TFPI: variants seen among roughly 807,000 people sequenced by gnomAD.
TFPI encodes the protein tissue factor pathway inhibitor, also known as anti-convertin.
A neutral mutation model predicts 34.6 loss-of-function variants in TFPI; 15 were observed. The ratio of observed to expected loss-of-function variants is 0.43; its 90% CI spans 0.29 to 0.67. The LOEUF (loss-of-function observed/expected upper bound fraction) is 0.67, where lower values mean the gene tolerates loss of function less well. Among genes scored for constraint, TFPI ranks in the 30% least tolerant of loss-of-function variants. The probability of loss-of-function intolerance (pLI) is 0.15; values close to 1 mark genes in which losing one functional copy is unlikely to be tolerated. For synonymous variants in TFPI, 105 were observed against 120.1 expected (o/e 0.87, Z 0.82); for missense variants, 301 against 364.0 (o/e 0.83, Z 1.41).
intron 3 of TFPI, among the ~76,000 whole-genome samples, chr2:187,494,613 C>A (rs964474213): frequency 1.3e-5 from 2 of 152,196 alleles, no homozygotes; most frequent in African/African-American, 4.8e-5. Flanking sequence ...CGATTAAATT[C>A]TCTCCTTAGG....
intron 6 of TFPI, among the ~76,000 whole-genome samples, chr2:187,475,302 AT>A (rs1692304321): frequency 6.6e-6 from 1 of 152,182 alleles, no homozygotes; most frequent in South Asian, 2.1e-4. Flanking sequence ...AAGACAAAAA[AT>A]ATGTATAATT....
At chr2:187,469,768 G>C (rs1368512617) in intron 6 of TFPI, among the ~76,000 whole-genome samples, 1 of 152,096 alleles carries the variant, frequency 6.6e-6, no homozygotes, top group African/African-American at 2.4e-5. Flanking sequence ...AATCAAAGTT[G>C]AATGGTGAGA....
At position 187,541,970 on chromosome 2, in the gene TFPI, A is replaced by G. The variant is rs544746512; in HGVS notation, c.-3+12230T>C. 3.5e-4 allele frequency among the ~76,000 whole-genome samples: 53 copies of G among 152,328 alleles called. No homozygotes were observed. The South Asian group carries it at 8.7e-3, about 25-fold the overall frequency. ...AAACACATGCATGGGATTTAATGAC[A>G]ATGGCATCACAAGTAACCTTCTAAA... On this transcript the variant is annotated intron_variant, in intron 1 of 7. Transcript: ENST00000233156.
intron 6 of TFPI, among the ~76,000 whole-genome samples, chr2:187,482,195 C>A (rs1692915143): frequency 6.6e-6 from 1 of 151,994 alleles, no homozygotes; most frequent in Non-Finnish European, 1.5e-5. Flanking sequence ...TAAAATAATT[C>A]AAACAAAAGT....
intron 1 of TFPI, chr2:187,519,652 C>G (rs575540046): frequency 2.8e-4 from 42 of 151,736 alleles, no homozygotes; most frequent in African/African-American, 9.5e-4. Context: ...GGCAGTCTGT[C>G]TCTTACCAGA....
Position 187,497,162 on chromosome 2 carries a change from G to A in TFPI, c.122-84C>T, listed in dbSNP as rs1472635246. On this transcript the variant is annotated intron_variant, in intron 2 of 7. Transcript: ENST00000233156. ...CTTTATTTCCTTTTTAATATGTCCT[G>A]ATTTTAAGGAAAAGTACAATAAAAC... The A allele has an allele frequency of 4.1e-6, 5 of 1,223,312 alleles. No individual in the cohort carries two copies. In the African/African-American group the frequency reaches 7.7e-5, roughly 19 times the overall value. 75.8% of individuals were successfully genotyped at this position (1,223,312 alleles called of 1,614,324 possible).
At chr2:187,550,701 G>C (rs1192659104) in intron 1 of TFPI, among the ~76,000 whole-genome samples, 1 of 152,072 alleles carries the variant, frequency 6.6e-6, no homozygotes, top group Non-Finnish European at 1.5e-5. Context: ...CAAAAAACTA[G>C]AGAAAAGTTG....
intron 1 of TFPI, among the ~76,000 whole-genome samples, chr2:187,512,623 A>G (rs1201171435): frequency 6.6e-6 from 1 of 152,172 alleles, no homozygotes; most frequent in Non-Finnish European, 1.5e-5. Context: ...CAAGGTTTTC[A>G]GCAAAAGTAA....
rs143678179 is a variant in TFPI at position 187,542,988 on chromosome 2, T to A, written c.-3+11212A>T. ...ATACAGGAATTTAATATTTGAATGA[T>A]TATATTTGGATTTTGTTAACTGGAC... On this transcript the variant is annotated intron_variant, in intron 1 of 7. Coordinates refer to ENST00000233156, the MANE Select transcript of TFPI (RefSeq NM_006287.6). 5.9e-5 allele frequency among the ~76,000 whole-genome samples: 9 copies of A among 152,246 alleles called. No individual in the cohort carries two copies. The East Asian group carries it at 1.7e-3, about 29-fold the overall frequency.
intron 6 of TFPI, among the ~76,000 whole-genome samples, chr2:187,473,701 C>T (rs1049171383): frequency 1.3e-5 from 2 of 151,004 alleles, no homozygotes; most frequent in African/African-American, 4.9e-5. Flanking sequence ...GTATGTATCT[C>T]TATTCATTAA....
intron 3 of TFPI, among the ~76,000 whole-genome samples, chr2:187,494,049 C>A (rs1685297203): frequency 6.6e-6 from 1 of 152,092 alleles, no homozygotes; most frequent in African/African-American, 2.4e-5. Flanking sequence ...TTACTGTGAG[C>A]AAGTCACATC....
chr2:187,484,212 A>G lies in TFPI; in HGVS notation c.540T>C (p.Asn180=), dbSNP rs774535558. Reference sequence around the variant, plus strand: ...TTCCATAATTATCCACCTGGAAACCATTCGCTGGAAAAAAATACAGCCAAT... The same window carrying G: ...TTCCATAATTATCCACCTGGAAACCGTTCGCTGGAAAAAAATACAGCCAAT... The part of the protein sequence containing the change: ...ECKNICEDGP[N]GFQVDNYGTQ... Residue 180 remains asparagine (N), a synonymous_variant, in exon 6 of 8, where the codon AAT becomes AAC. Coordinates refer to ENST00000233156, the MANE Select transcript of TFPI (RefSeq NM_006287.6). 9 of 1,610,414 alleles carry G rather than the reference A, an allele frequency of 5.6e-6. No individual in the cohort carries two copies. The highest frequency in any genetic ancestry group is 2.2e-5 in the East Asian group (1 of 44,830).
At chr2:187,534,459 A>G (rs1384026634) in intron 1 of TFPI, among the ~76,000 whole-genome samples, 1 of 152,160 alleles carries the variant, frequency 6.6e-6, no homozygotes, top group Admixed American at 6.5e-5. Flanking sequence ...ATTTCATATC[A>G]AGCAAAACTA....
At chr2:187,496,573 A>G (rs1317792848) in intron 3 of TFPI, among the ~76,000 whole-genome samples, 2 of 152,144 alleles carry the variant, frequency 1.3e-5, no homozygotes, top group African/African-American at 2.4e-5. Context: ...ATATGAAGAA[A>G]ATGAAAAATG....
At chr2:187,482,137 C>G (rs187942827) in intron 6 of TFPI, among the ~76,000 whole-genome samples, 2 of 152,076 alleles carry the variant, frequency 1.3e-5, no homozygotes, top group African/African-American at 4.8e-5. Flanking sequence ...CCCTAACCTA[C>G]TCTACTCACT....
intron 4 of TFPI, among the ~76,000 whole-genome samples, chr2:187,485,405 G>A (rs554063321): frequency 6.6e-6 from 1 of 151,882 alleles, no homozygotes; most frequent in African/African-American, 2.4e-5. Flanking sequence ...AAGCATTGTA[G>A]TGCGTTGCTC....
At chr2:187,478,827 T>C in intron 6 of TFPI, 1 of 1,592,612 alleles carries the variant, frequency 6.3e-7, no homozygotes, top group Non-Finnish European at 8.6e-7. Flanking sequence ...AATTGATAAA[T>C]AAAAAATGTG....
chr2:187,485,710 A>C (rs1041114185), intron 4 of TFPI, among the ~76,000 whole-genome samples: 1 of 151,700 alleles, frequency 6.6e-6, no homozygotes, highest in Non-Finnish European at 1.5e-5. Flanking sequence ...CAGCTGTCAT[A>C]AAAGTTGTGC....
chr2:187,481,159 G>A lies in TFPI; in HGVS notation c.628+2965C>T, dbSNP rs1489735254. Among the ~76,000 whole-genome samples, 12 of 151,836 alleles carry A rather than the reference G, an allele frequency of 7.9e-5. 1 individual carries two copies. Among genetic ancestry groups the A allele is most frequent in the Non-Finnish European group, 1.5e-4 (10 of 67,920 alleles). ...TTTAGTGGAAAGAATTTAAAGACTG[G>A]TATTCCATTTATGTTGTGGGGCAGA... On this transcript the variant is annotated intron_variant, in intron 6 of 7. Coordinates refer to ENST00000233156, the MANE Select transcript of TFPI (RefSeq NM_006287.6).
Sources: allele counts gnomAD v4.1 joint callset (sites outside exome capture counted in the v4.1 genomes callset), GRCh38; gene constraint gnomAD v4.1.1; transcripts MANE v1.5; gene names NCBI Gene and HGNC (gene_info 2026-07-23, HGNC 2026-07-21).